SOX6: variants seen among roughly 807,000 people sequenced by gnomAD.
SOX6 encodes the protein SRY-box transcription factor 6.
Under a neutral mutation model 97.8 loss-of-function variants are expected in SOX6, and 11 were observed. The observed-to-expected ratio is 0.11, with a 90% CI of 0.07 to 0.19. The LOEUF (loss-of-function observed/expected upper bound fraction) is 0.19, where lower values mean the gene tolerates loss of function less well. Ranked by LOEUF, SOX6 falls within the 10% of genes least tolerant of loss-of-function variation. The probability of loss-of-function intolerance (pLI) is 1.00; values close to 1 mark genes in which losing one functional copy is unlikely to be tolerated. For synonymous variants in SOX6, 360 were observed against 371.4 expected, an observed-to-expected ratio of 0.97 and a Z score of 0.35; for missense variants, 810 against 1,039.5, an observed-to-expected ratio of 0.78 and a Z score of 3.04.
At chr11:16,565,705 A>AAATAAAT (rs1565181989) in intron 4 of SOX6, among the ~76,000 whole-genome samples, 1 of 12,418 alleles carries the variant, frequency 8.1e-5, no homozygotes, top group African/African-American at 2.8e-4. Flanking sequence ...AAAAAATAAA[A>AAATAAAT]AAATAAATAA....
intron 1 of SOX6, among the ~76,000 whole-genome samples, chr11:16,455,809 T>G (rs1859800125): frequency 1.3e-5 from 2 of 152,148 alleles, no homozygotes; most frequent in African/African-American, 4.8e-5. Flanking sequence ...AAGTACTGAA[T>G]ATACTTAACT....
chr11:16,047,811 G>T (rs979290766), intron 11 of SOX6, among the ~76,000 whole-genome samples: 1 of 151,922 alleles, frequency 6.6e-6, no homozygotes, highest in African/African-American at 2.4e-5. Context: ...GATGTCTGAT[G>T]TGTACAATGC....
chr11:16,381,930 G>T (rs1388472082), intron 1 of SOX6, among the ~76,000 whole-genome samples: 1 of 151,764 alleles, frequency 6.6e-6, no homozygotes, highest in African/African-American at 2.4e-5. Flanking sequence ...AATTTGTTAA[G>T]GTAGTGGGGA....
intron 6 of SOX6, among the ~76,000 whole-genome samples, chr11:16,157,438 C>G (rs1162058846): frequency 6.6e-6 from 1 of 151,892 alleles, no homozygotes; most frequent in African/African-American, 2.4e-5. Context: ...TTCAGCATGT[C>G]AAAAATAAAA....
At chr11:16,683,192 T>C (rs1346967038) in intron 3 of SOX6, among the ~76,000 whole-genome samples, 2 of 152,204 alleles carry the variant, frequency 1.3e-5, no homozygotes, top group Non-Finnish European at 2.9e-5. Context: ...GCTATCCCCA[T>C]CAAGCTACCA....
At chr11:16,132,354 G>GAAAGAAAGAAAGAGAAA (rs1849787894) in intron 6 of SOX6, among the ~76,000 whole-genome samples, 1 of 61,680 alleles carries the variant, frequency 1.6e-5, no homozygotes, top group African/African-American at 7.6e-5. Flanking sequence ...AAGAAAGAAA[G>GAAAGAAAGAAAGAGAAA]AAAGAAAGAA....
chr11:16,579,234 TC>T (rs1369164429), intron 4 of SOX6, among the ~76,000 whole-genome samples: 2 of 151,998 alleles, frequency 1.3e-5, no homozygotes, highest in Non-Finnish European at 2.9e-5. Flanking sequence ...AAGATATTTT[TC>T]TCTTCTTTTA....
chr11:16,448,507 A>G (rs1859654781), intron 1 of SOX6, among the ~76,000 whole-genome samples: 1 of 152,148 alleles, frequency 6.6e-6, no homozygotes, highest in African/African-American at 2.4e-5. Flanking sequence ...AGTGAATATG[A>G]TTCAAAATTG....
intron 6 of SOX6, among the ~76,000 whole-genome samples, chr11:16,149,180 C>T (rs1384856991): frequency 6.6e-6 from 1 of 152,068 alleles, no homozygotes; most frequent in African/African-American, 2.4e-5. Flanking sequence ...TTTTAATATA[C>T]AAATTACACT....
Position 16,254,238 on chromosome 11 carries a change from G to C in SOX6, c.446-19567C>G, listed in dbSNP as rs539280538. Among the ~76,000 whole-genome samples the C allele has an allele frequency of 1.2e-4, 19 of 152,114 alleles. No homozygotes were observed. In the South Asian group the frequency reaches 3.7e-3, roughly 30 times the overall value. ...CTTCAGGGAGAAGGAAAATTATATA[G>C]TTTAGAAACTCAGATGTGCATACAA... is the stretch of plus-strand genomic sequence containing the variant. On this transcript the variant is annotated intron_variant, in intron 3 of 15. Coordinates refer to ENST00000683767, the MANE Select transcript of SOX6 (RefSeq NM_001367873.1).
intron 4 of SOX6, among the ~76,000 whole-genome samples, chr11:16,225,680 C>T (rs180911838): frequency 2.0e-5 from 3 of 152,236 alleles, no homozygotes; most frequent in Admixed American, 2.0e-4. Context: ...TTGGTGATAA[C>T]AGCACTGCTT....
At chr11:16,320,132 C>T (rs1168952387) in intron 2 of SOX6, among the ~76,000 whole-genome samples, 1 of 152,040 alleles carries the variant, frequency 6.6e-6, no homozygotes, top group East Asian at 1.9e-4. Flanking sequence ...CCTTCAGCAG[C>T]CTTGCATTCA....
At chr11:16,489,801 C>A (rs2133131660) in intron 4 of SOX6, among the ~76,000 whole-genome samples, 1 of 152,122 alleles carries the variant, frequency 6.6e-6, no homozygotes, top group Non-Finnish European at 1.5e-5. Context: ...TCACACTCTA[C>A]CAAAACAACA....
At chr11:16,022,323 CTTCCTTCT>C (rs1373129641) in intron 12 of SOX6, among the ~76,000 whole-genome samples, 2 of 135,894 alleles carry the variant, frequency 1.5e-5, no homozygotes, top group African/African-American at 2.7e-5. Flanking sequence ...TCCTTCCTTC[CTTCCTTCT>C]TTCCTTCCTT....
chr11:16,478,032 C>G (rs1860285114), upstream of SOX6, among the ~76,000 whole-genome samples: 1 of 152,194 alleles, frequency 6.6e-6, no homozygotes, highest in African/African-American at 2.4e-5. Context: ...GTGTATTATC[C>G]AAAACCATCA....
At chr11:16,692,317 TGGGATTACA>T (rs1848022218) in intron 3 of SOX6, among the ~76,000 whole-genome samples, 2 of 152,178 alleles carry the variant, frequency 1.3e-5, no homozygotes, top group Admixed American at 1.3e-4. Context: ...TCCAAAGTGC[TGGGATTACA>T]GGTGTGAACC....
intron 2 of SOX6, among the ~76,000 whole-genome samples, chr11:16,728,915 C>T (rs1848328244): frequency 6.6e-6 from 1 of 152,046 alleles, no homozygotes; most frequent in South Asian, 2.1e-4. Context: ...AAAAACAGCA[C>T]GAAAACTTCA....
At chr11:16,497,086 C>T (rs762242366) in intron 4 of SOX6, among the ~76,000 whole-genome samples, 20 of 152,230 alleles carry the variant, frequency 1.3e-4, no homozygotes, top group East Asian at 1.9e-4. Context: ...CAGACTGACA[C>T]CTCAAACGGC....
In SOX6 at chr11:16,374,478, C is replaced by T. The variant is rs546843730; in HGVS notation, c.-4-33226G>A. 5.3e-5 allele frequency among the ~76,000 whole-genome samples: 8 copies of T among 152,116 alleles called. No homozygotes were observed. The South Asian group carries it at 1.0e-3, about 20-fold the overall frequency. ...AAATAATTTTAAAAATTAACTTCTA[C>T]ATTTATGCAATTGGTATTTCAAATA... On this transcript the variant is annotated intron_variant, in intron 1 of 15. Coordinates refer to the SOX6 transcript ENST00000396356.
Sources: allele counts gnomAD v4.1 joint callset (sites outside exome capture counted in the v4.1 genomes callset), GRCh38; gene constraint gnomAD v4.1.1; transcripts MANE v1.5; gene names NCBI Gene and HGNC (gene_info 2026-07-23, HGNC 2026-07-21).